Variants in DET1 observed in about 807,000 individuals in gnomAD.
DET1 encodes the protein DET1 partner of COP1 E3 ubiquitin ligase.
A neutral mutation model predicts 43.7 loss-of-function variants in DET1; 22 were observed. That is an observed-to-expected ratio of 0.50 (90% CI 0.36 to 0.72). The LOEUF is 0.72. Ranked by LOEUF, DET1 falls within the 30% of genes least tolerant of loss-of-function variation. DET1 has a pLI of 0.00. For synonymous variants in DET1, 315 were observed against 266.2 expected (o/e 1.18, Z -1.79); for missense variants, 713 against 713.3 (o/e 1.00, Z 0.00).
chr15:88,531,601 G>C lies in DET1; in HGVS notation c.105C>G (p.His35Gln). 6.2e-7 allele frequency: 1 copy of C among 1,614,062 alleles called. No homozygotes were observed. The highest frequency in any genetic ancestry group is 1.1e-5 in the South Asian group (1 of 91,078). ...RRISSGKAGT[H>Q]WHQVRVFHQN... ...GATGGAACACTCGGACTTGGTGCCA[G>C]TGGGTACCTGCCTTGCCTGAACTGA... The change falls in exon 2 of 5, where the codon CAC (histidine) becomes CAG (glutamine). Residue 35 changes from histidine (H) to glutamine (Q), a missense_variant. By Grantham distance (24) the His-to-Gln change is conservative. Transcript: ENST00000268148. This position sits in a 1 kb window ranked among gnomAD's most constrained non-coding sequence, Gnocchi z 6.2.
chr15:88,517,242 T>C (rs2056370611), intron 3 of DET1, among the ~76,000 whole-genome samples: 1 of 151,200 alleles, frequency 6.6e-6, no homozygotes, highest in South Asian at 2.1e-4. Flanking sequence ...TTTTTTTTTT[T>C]TGAGACAGGG....
downstream of DET1, chr15:88,512,442 T>A: frequency 1.0e-6 from 1 of 985,936 alleles, no homozygotes; most frequent in Non-Finnish European, 1.2e-6. Flanking sequence ...AAGCATTGAG[T>A]ATGATAGGAA....
intron 3 of DET1, among the ~76,000 whole-genome samples, chr15:88,520,008 C>T (rs922866770): frequency 9.9e-5 from 15 of 152,060 alleles, no homozygotes; most frequent in Non-Finnish European, 1.9e-4. Context: ...TTTTTAAAGC[C>T]CCCATCAGCA....
intron 3 of DET1, among the ~76,000 whole-genome samples, chr15:88,518,521 CAA>C (rs1210157580): frequency 4.6e-5 from 7 of 152,106 alleles, no homozygotes; most frequent in Non-Finnish European, 1.0e-4. Flanking sequence ...ACACTTAAAG[CAA>C]AGACTGGCAG....
rs772809114 is a variant in DET1 at position 88,531,507 on chromosome 15, G to A, written c.199C>T (p.Pro67Ser). ...KPPCFLRKFSPDGRYFIAFSS... is the reference protein window; with the variant it reads ...KPPCFLRKFSSDGRYFIAFSS... ...AAAGCAATAAAGTAGCGTCCATCAG[G>A]TGAGAATTTACGCAAGAAACAAGGA... Residue 67 changes from proline (P) to serine (S), a missense_variant, in exon 2 of 5, where the codon CCT (proline) becomes TCT (serine). Coordinates refer to ENST00000268148, the MANE Select transcript of DET1 (RefSeq NM_001144074.3). The surrounding 1 kb of genome is among the most constrained non-coding windows in gnomAD (Gnocchi z 6.2). The A allele has an allele frequency of 1.2e-6, 2 of 1,614,004 alleles. No individual in the cohort carries two copies. The highest frequency in any genetic ancestry group is 1.1e-5 in the South Asian group (1 of 91,078).
chr15:88,538,952 C>T (rs567338305), intron 1 of DET1, among the ~76,000 whole-genome samples: 7 of 152,116 alleles, frequency 4.6e-5, no homozygotes, highest in African/African-American at 1.2e-4. Flanking sequence ...TACTCTAGGA[C>T]GCTACTGGGT....
chr15:88,539,433 C>A (rs554693915), intron 1 of DET1, among the ~76,000 whole-genome samples: 3 of 146,610 alleles, frequency 2.0e-5, no homozygotes, highest in Admixed American at 1.4e-4. Flanking sequence ...ACGGGAGGGC[C>A]CCCCCTTGTC....
At chr15:88,541,280 T>G (rs1170772492) in intron 1 of DET1, among the ~76,000 whole-genome samples, 1 of 151,790 alleles carries the variant, frequency 6.6e-6, no homozygotes. Flanking sequence ...CTGCTGACCC[T>G]CTCCGCACAA....
In DET1 at chr15:88,531,445, G is replaced by A; in HGVS notation, c.261C>T (p.Tyr87=). The change falls in exon 2 of 5, where the codon TAC becomes TAT. Residue 87 remains tyrosine (Y), a synonymous_variant. Transcript: ENST00000268148. The surrounding 1 kb of genome is among the most constrained non-coding windows in gnomAD (Gnocchi z 6.2). ...SDQTSLEIYE[Y]QGCQAAEDLL... The stretch of plus-strand genomic sequence containing the variant: ...GGTCCTCTGCTGCCTGGCAGCCCTG[G>A]TACTCATAGATTTCAAGAGATGTCT... The A allele has an allele frequency of 6.2e-7, 1 of 1,614,018 alleles. No homozygotes were observed. Among genetic ancestry groups the A allele is most frequent in the Non-Finnish European group, 8.5e-7 (1 of 1,179,894 alleles).
chr15:88,536,289 CT>C (rs1377891012), intron 1 of DET1: 3 of 772,396 alleles, frequency 3.9e-6, no homozygotes, highest in African/African-American at 1.7e-5. Flanking sequence ...GTCTTTATCT[CT>C]TCCTGAAATT....
chr15:88,519,896 T>A (rs779811371), intron 3 of DET1, among the ~76,000 whole-genome samples: 3 of 152,166 alleles, frequency 2.0e-5, no homozygotes, highest in Non-Finnish European at 4.4e-5. Flanking sequence ...CAGACTCCCA[T>A]GCTCTTTCAT....
chr15:88,532,011 GAC>G, intron 1 of DET1: 1 of 278,810 alleles, frequency 3.6e-6, no homozygotes, highest in Non-Finnish European at 6.7e-6. Flanking sequence ...AACAGTATAA[GAC>G]ACATTCGGCT....
intron 3 of DET1, among the ~76,000 whole-genome samples, chr15:88,522,709 G>A (rs1173573054): frequency 1.3e-5 from 2 of 151,008 alleles, no homozygotes; most frequent in African/African-American, 2.4e-5. Flanking sequence ...TAGAAGAGAC[G>A]GGGTTTCACC....
At position 88,513,991 on chromosome 15, in the gene DET1, G is replaced by A. The variant is rs1017994528; in HGVS notation, c.1464-851C>T. Reference sequence around the variant, plus strand: ...ATTTTTTGTATTTTTAGTAGAGACGGGGTTTCACCGTGTTAGCCAGGATGG... The same window carrying A: ...ATTTTTTGTATTTTTAGTAGAGACGAGGTTTCACCGTGTTAGCCAGGATGG... On this transcript the variant is annotated intron_variant, in intron 4 of 4. Coordinates refer to ENST00000268148, the MANE Select transcript of DET1 (RefSeq NM_001144074.3). Among the ~76,000 whole-genome samples, 9 of 149,662 alleles carry A rather than the reference G, an allele frequency of 6.0e-5. 1 individual carries two copies. Among genetic ancestry groups the A allele is most frequent in the African/African-American group, 2.0e-4 (8 of 39,824 alleles).
intron 7 of DET1, among the ~76,000 whole-genome samples, chr15:88,507,297 T>C (rs2056151493): frequency 6.6e-6 from 1 of 152,206 alleles, no homozygotes; most frequent in African/African-American, 2.4e-5. Context: ...CTCATCTGGA[T>C]ATCTAATAGG....
intron 3 of DET1, among the ~76,000 whole-genome samples, chr15:88,522,512 G>GTTTTTCTTTTTTTT (rs2056520247): frequency 1.2e-5 from 1 of 80,258 alleles, no homozygotes; most frequent in Non-Finnish European, 2.3e-5. Flanking sequence ...AATGTTCCTG[G>GTTTTTCTTTTTTTT]TTTTTTTTTT....
At chr15:88,543,965 G>A (rs2057179216) in intron 1 of DET1, among the ~76,000 whole-genome samples, 1 of 152,184 alleles carries the variant, frequency 6.6e-6, no homozygotes, top group African/African-American at 2.4e-5. Context: ...CTTTACAGAA[G>A]TAAAACCACA....
At chr15:88,521,185 C>T (rs2056481208) in intron 3 of DET1, among the ~76,000 whole-genome samples, 1 of 152,204 alleles carries the variant, frequency 6.6e-6, no homozygotes, top group Non-Finnish European at 1.5e-5. Flanking sequence ...CCCTCAAATG[C>T]ATCAGATCTA....
intron 1 of DET1, among the ~76,000 whole-genome samples, chr15:88,534,870 C>A (rs1408946336): frequency 6.6e-6 from 1 of 152,202 alleles, no homozygotes; most frequent in African/African-American, 2.4e-5. Flanking sequence ...CAAGCCCTAT[C>A]ATCTTATAAT....
Sources: gnomAD v4.1 joint callset for allele counts (sites outside exome capture counted in the v4.1 genomes callset) on GRCh38, gnomAD v4.1.1 for gene constraint, Gnocchi (gnomAD v3.1) non-coding constraint, MANE v1.5 for transcripts, NCBI Gene and HGNC (gene_info 2026-07-23, HGNC 2026-07-21) for gene names.